The following SORCS3 variants were observed in gnomAD, a reference collection of about 807,000 sequenced individuals.
The protein encoded by SORCS3 is VPS10 domain-containing receptor SorCS3.
Under a neutral mutation model 146.3 loss-of-function variants are expected in SORCS3, and 57 were observed. The observed-to-expected ratio is 0.39, with a 90% CI of 0.31 to 0.49. The LOEUF is 0.49. Among genes scored for constraint, SORCS3 ranks in the 20% least tolerant of loss-of-function variants. SORCS3 has a pLI of 0.92. For missense variants in SORCS3, 1,341 were observed against 1,575.5 expected, an observed-to-expected ratio of 0.85 and a Z score of 2.52; for synonymous variants, 653 against 618.5, an observed-to-expected ratio of 1.06 and a Z score of -0.83.
intron 1 of SORCS3, among the ~76,000 whole-genome samples, chr10:104,787,768 C>T (rs143803354): frequency 2.4e-3 from 363 of 152,224 alleles, no homozygotes; most frequent in Admixed American, 3.9e-3. Flanking sequence ...ATACCCAGCC[C>T]GCTACCCTGG....
rs191616510 is a variant in SORCS3, at chr10:105,130,828, T to C, written c.1213-8569T>C. On this transcript the variant is annotated intron_variant, in intron 7 of 26. Transcript: ENST00000369701. ...GGACATAAAATGAGCAAACACCAGT[T>C]AGACAAACACTAAATTCAAAGTCAA... 2.0e-5 allele frequency among the ~76,000 whole-genome samples: 3 copies of C among 152,224 alleles called. No individual in the cohort carries two copies. In the East Asian group the frequency reaches 5.8e-4, roughly 29 times the overall value.
intron 4 of SORCS3, among the ~76,000 whole-genome samples, chr10:105,032,640 G>C (rs2055276764): frequency 6.6e-6 from 1 of 152,108 alleles, no homozygotes; most frequent in South Asian, 2.1e-4. Context: ...CTTCCAAGTT[G>C]AACGTAGCTA....
At chr10:105,124,772 A>G (rs2055961145) in intron 7 of SORCS3, among the ~76,000 whole-genome samples, 1 of 152,182 alleles carries the variant, frequency 6.6e-6, no homozygotes, top group Non-Finnish European at 1.5e-5. Context: ...TAACCTCTCG[A>G]GGCCAGGCAA....
intron 16 of SORCS3, among the ~76,000 whole-genome samples, chr10:105,207,081 T>G (rs1194012536): frequency 6.6e-6 from 1 of 152,064 alleles, no homozygotes; most frequent in East Asian, 1.9e-4. Context: ...AATGAGCCAG[T>G]GGGTGCCCTA....
chr10:104,814,537 T>C (rs1169825681), intron 1 of SORCS3, among the ~76,000 whole-genome samples: 1 of 152,196 alleles, frequency 6.6e-6, no homozygotes, highest in Non-Finnish European at 1.5e-5. Flanking sequence ...GTCAGACCCC[T>C]ATTCATCCTC....
Position 105,139,384 on chromosome 10 carries a change from C to G in SORCS3, c.1213-13C>G. ...GCCTCATCTGATCTCTTTGTGTTTCCCCCACAATCTAGGTAACAACTAGTG... is the reference window on the plus strand; with the variant it reads ...GCCTCATCTGATCTCTTTGTGTTTCGCCCACAATCTAGGTAACAACTAGTG... On this transcript the variant is annotated splice_polypyrimidine_tract_variant and intron_variant, in intron 7 of 26. Transcript: ENST00000369701. 6.2e-7 allele frequency: 1 copy of G among 1,603,502 alleles called. No individual in the cohort carries two copies. Among genetic ancestry groups the G allele is most frequent in the South Asian group, 1.1e-5 (1 of 90,814 alleles).
intron 4 of SORCS3, among the ~76,000 whole-genome samples, chr10:104,999,473 A>G (rs1279338553): frequency 6.6e-6 from 1 of 152,204 alleles, no homozygotes; most frequent in African/African-American, 2.4e-5. Context: ...GCCTGTTGGA[A>G]ATAGTTTTCC....
intron 1 of SORCS3, among the ~76,000 whole-genome samples, chr10:104,726,009 A>G (rs570952516): frequency 2.4e-4 from 37 of 152,274 alleles, no homozygotes; most frequent in East Asian, 1.7e-3. Flanking sequence ...ACACTCCCCA[A>G]TGAGATGAAC....
chr10:104,756,981 G>A (rs2017060164), intron 1 of SORCS3, among the ~76,000 whole-genome samples: 1 of 151,108 alleles, frequency 6.6e-6, no homozygotes, highest in Admixed American at 6.6e-5. Context: ...GAAGATCTGT[G>A]TCCATGTACA....
At position 104,950,947 on chromosome 10, in the gene SORCS3, A is replaced by G. The variant is rs374109145; in HGVS notation, c.796-26388A>G. 2.2e-4 allele frequency among the ~76,000 whole-genome samples: 33 copies of G among 152,338 alleles called. No individual in the cohort carries two copies. In the East Asian group the frequency reaches 6.0e-3, roughly 28 times the overall value. ...TCAGCAAAGTGATTTTATTAGCAGGAGCATATTTAATTGATTGTTGTTTTG... is the reference window on the plus strand; with the variant it reads ...TCAGCAAAGTGATTTTATTAGCAGGGGCATATTTAATTGATTGTTGTTTTG... On this transcript the variant is annotated intron_variant, in intron 3 of 26. Transcript: ENST00000369701.
At chr10:105,029,135 C>T (rs1434572638) in intron 4 of SORCS3, among the ~76,000 whole-genome samples, 1 of 152,224 alleles carries the variant, frequency 6.6e-6, no homozygotes. Context: ...AAAGCTACCT[C>T]TGGCCAGGTA....
At chr10:104,941,674 T>C (rs2019321869) in intron 3 of SORCS3, among the ~76,000 whole-genome samples, 1 of 152,236 alleles carries the variant, frequency 6.6e-6, no homozygotes, top group African/African-American at 2.4e-5. Context: ...TGGACTCTTC[T>C]CTTTTCAACA....
intron 5 of SORCS3, among the ~76,000 whole-genome samples, chr10:105,081,300 A>C (rs756981357): frequency 6.6e-6 from 1 of 152,110 alleles, no homozygotes; most frequent in Non-Finnish European, 1.5e-5. Context: ...AAGAAGAAAA[A>C]CACAAAGGAT....
intron 6 of SORCS3, among the ~76,000 whole-genome samples, chr10:105,104,521 C>G (rs1174057709): frequency 1.3e-5 from 2 of 152,110 alleles, no homozygotes; most frequent in East Asian, 1.9e-4. Context: ...GAGGGTTCAG[C>G]TGTTGAGATC....
chr10:104,737,835 C>G (rs2016793385), intron 1 of SORCS3, among the ~76,000 whole-genome samples: 1 of 149,562 alleles, frequency 6.7e-6, no homozygotes, highest in Admixed American at 6.7e-5. Context: ...GTGTTTTAGA[C>G]ATGAAGTCCT....
At chr10:105,061,640 G>T in intron 5 of SORCS3, among the ~76,000 whole-genome samples, 1 of 118,936 alleles carries the variant, frequency 8.4e-6, no homozygotes, top group Non-Finnish European at 1.7e-5. Context: ...GTGACAGAGC[G>T]AGACCCTATC....
chr10:104,825,887 A>G (rs1375556525), intron 1 of SORCS3, among the ~76,000 whole-genome samples: 1 of 152,052 alleles, frequency 6.6e-6, no homozygotes, highest in Non-Finnish European at 1.5e-5. Flanking sequence ...TTCAACAGCC[A>G]TTTTTCACAG....
At chr10:104,939,810 T>G (rs2019294135) in intron 3 of SORCS3, among the ~76,000 whole-genome samples, 1 of 152,170 alleles carries the variant, frequency 6.6e-6, no homozygotes, top group East Asian at 1.9e-4. Flanking sequence ...TAAGCCATAT[T>G]AAACAATCTT....
intron 8 of SORCS3, among the ~76,000 whole-genome samples, chr10:105,147,101 G>T (rs1486951034): frequency 1.3e-5 from 2 of 152,024 alleles, no homozygotes; most frequent in Admixed American, 6.6e-5. Context: ...AATATTTTCT[G>T]CTCTGATTGA....
Sources: allele counts gnomAD v4.1 joint callset (sites outside exome capture counted in the v4.1 genomes callset), GRCh38; gene constraint gnomAD v4.1.1; transcripts MANE v1.5; gene names NCBI Gene and HGNC (gene_info 2026-07-23, HGNC 2026-07-21).